The following SPPL3 variants were observed in gnomAD, a reference collection of about 807,000 sequenced individuals.
SPPL3 encodes signal peptide peptidase-like 3.
In SPPL3, 5 loss-of-function variants were observed where a neutral mutation model predicts 42.4. The ratio of observed to expected loss-of-function variants is 0.12; its 90% CI spans 0.06 to 0.25. The LOEUF (loss-of-function observed/expected upper bound fraction) is 0.25, where lower values mean the gene tolerates loss of function less well. SPPL3 is among the 10% of genes least tolerant of loss of function. The pLI is 1.00. For synonymous variants in SPPL3, 195 were observed against 181.8 expected (o/e 1.07, Z -0.58); for missense variants, 235 against 489.0 (o/e 0.48, Z 4.90).
At chr12:120,797,329 C>T (rs1870135063) in intron 2 of SPPL3, among the ~76,000 whole-genome samples, 1 of 152,004 alleles carries the variant, frequency 6.6e-6, no homozygotes, top group Non-Finnish European at 1.5e-5. Flanking sequence ...TCAGTTCCAT[C>T]TCTTCAACTT....
At chr12:120,766,100 G>GCA (rs111837123) in intron 10 of SPPL3, among the ~76,000 whole-genome samples, 163 bp downstream of exon 10, 1,860 of 84,044 alleles carry the variant, frequency 0.022, 20 homozygotes, top group Middle Eastern at 0.047. Context: ...GCGCGCGCGC[G>GCA]CACACACACA....
chr12:120,771,907 C>G (rs895103720), intron 6 of SPPL3, among the ~76,000 whole-genome samples: 2 of 152,362 alleles, frequency 1.3e-5, no homozygotes, highest in African/African-American at 4.8e-5. Context: ...TCACGCTCTA[C>G]CCAGAAGGTC....
chr12:120,768,226 G>A (rs1274985190), intron 8 of SPPL3, 99 bp downstream of exon 8: 7 of 1,416,872 alleles, frequency 4.9e-6, no homozygotes, highest in Non-Finnish European at 6.6e-6. Flanking sequence ...AATGGCCCCA[G>A]GTTGGGATCA....
At chr12:120,883,517 C>A (rs539692249) in intron 1 of SPPL3, among the ~76,000 whole-genome samples, 20 of 152,144 alleles carry the variant, frequency 1.3e-4, no homozygotes, top group African/African-American at 4.8e-4. Flanking sequence ...GGTATATAAA[C>A]CCTAAGAAAA....
At chr12:120,902,081 C>T (rs181307199) in intron 1 of SPPL3, 1 of 208,028 alleles carries the variant, frequency 4.8e-6, no homozygotes, top group Non-Finnish European at 8.4e-6. Context: ...TCATTTCTTA[C>T]TCTGTCCAGA....
At chr12:120,877,203 T>A (rs1316763873) in intron 1 of SPPL3, among the ~76,000 whole-genome samples, 1 of 152,074 alleles carries the variant, frequency 6.6e-6, no homozygotes, top group Admixed American at 6.6e-5. Context: ...CAGGCCAATA[T>A]CTGGTAACAA....
At chr12:120,873,658 A>AG (rs1566066453) in intron 1 of SPPL3, among the ~76,000 whole-genome samples, 1 of 152,098 alleles carries the variant, frequency 6.6e-6, no homozygotes. Flanking sequence ...GTGGATCATG[A>AG]GGTCAGGAGT....
rs527339173 is a variant in SPPL3 at position 120,781,555 on chromosome 12, G to GTTTTTTTT, written c.502+1092_502+1099dup. 9.5e-5 allele frequency among the ~76,000 whole-genome samples: 6 copies of GTTTTTTTT among 62,994 alleles called. 2 individuals carry two copies. Among genetic ancestry groups the GTTTTTTTT allele is most frequent in the African/African-American group, 4.1e-4 (6 of 14,614 alleles). The allele number at this position is 62,994 out of a possible 152,430, so 41.3% of individuals were successfully genotyped here. A position where few individuals can be genotyped will look rare whatever the true frequency, so the allele number is the denominator to read the frequency against. On this transcript the variant is annotated intron_variant, in intron 6 of 10. Coordinates refer to ENST00000353487, the MANE Select transcript of SPPL3 (RefSeq NM_139015.5). ...TCTAATCCCATCTCCTTATTGTTACGTTTTTTTTTTTTTTTTTTTTTTTTT... is the reference window on the plus strand; with the variant it reads ...TCTAATCCCATCTCCTTATTGTTACGTTTTTTTTTTTTTTTTTTTTTTTTTTTTTTTTT...
rs944580057 is a variant in SPPL3 at position 120,813,970 on chromosome 12, G to A, written c.24-3084C>T. Among the ~76,000 whole-genome samples, 13 of 152,012 alleles carry A rather than the reference G, an allele frequency of 8.6e-5. 1 individual carries two copies. The highest frequency in any genetic ancestry group is 6.6e-4 in the Admixed American group (10 of 15,266). ...TGATCTGGTGCTGCCTGATTCATGA[G>A]ACACTGCTCAAAAAAACTCTCCAAA... On this transcript the variant is annotated intron_variant, in intron 1 of 10. Transcript: ENST00000353487.
chr12:120,883,364 T>C (rs188357938), intron 1 of SPPL3, among the ~76,000 whole-genome samples: 2 of 152,286 alleles, frequency 1.3e-5, no homozygotes, highest in South Asian at 2.1e-4. Context: ...AAAACTTCTA[T>C]GTGAAAGGCA....
intron 2 of SPPL3, among the ~76,000 whole-genome samples, chr12:120,807,502 C>G (rs1335900074): frequency 6.6e-6 from 1 of 151,786 alleles, no homozygotes; most frequent in Non-Finnish European, 1.5e-5. Context: ...GCAGAAACAC[C>G]ATCTCTACTA....
chr12:120,878,734 T>C (rs1004930119), intron 1 of SPPL3, among the ~76,000 whole-genome samples: 42 of 152,290 alleles, frequency 2.8e-4, no homozygotes, highest in African/African-American at 1.0e-3. Flanking sequence ...AAATTATCTA[T>C]GCCTTAAATC....
At position 120,764,849 on chromosome 12, in the gene SPPL3, C is replaced by A. The variant is rs536544348; in HGVS notation, c.*150G>T. 1 of 805,648 alleles carries A rather than the reference C, an allele frequency of 1.2e-6. No homozygotes were observed. The highest frequency in any genetic ancestry group is 1.9e-6 in the Non-Finnish European group (1 of 528,598). The allele number at this position is 805,648 out of a possible 1,614,324, so 49.9% of individuals were successfully genotyped here. A position where few individuals can be genotyped will look rare whatever the true frequency, so the allele number is the denominator to read the frequency against. On this transcript the variant is annotated 3_prime_UTR_variant, in exon 11 of 11. Coordinates refer to ENST00000353487, the MANE Select transcript of SPPL3 (RefSeq NM_139015.5). ...GGCTCCAGCACCTCTCTCCTGCAAA[C>A]GAGCTCCCTTTAAATGCCAAATCCA...
intron 1 of SPPL3, among the ~76,000 whole-genome samples, chr12:120,895,433 A>G (rs963234347): frequency 6.6e-6 from 1 of 152,060 alleles, no homozygotes; most frequent in African/African-American, 2.4e-5. Context: ...ATCTCAAAAA[A>G]AAAAAAAAGA....
intron 1 of SPPL3, among the ~76,000 whole-genome samples, chr12:120,846,957 A>G (rs1872060696): frequency 6.6e-6 from 1 of 152,152 alleles, no homozygotes; most frequent in Admixed American, 6.6e-5. Context: ...TCTGTGGTTA[A>G]GCTTGTGCAG....
chr12:120,846,884 T>G (rs1316493971), intron 1 of SPPL3, among the ~76,000 whole-genome samples: 1 of 152,178 alleles, frequency 6.6e-6, no homozygotes, highest in Non-Finnish European at 1.5e-5. Flanking sequence ...AGAGTTCATG[T>G]GGGTGGGAGT....
intron 1 of SPPL3, among the ~76,000 whole-genome samples, chr12:120,891,420 GA>G (rs1181814815): frequency 6.6e-6 from 1 of 151,854 alleles, no homozygotes; most frequent in Admixed American, 6.6e-5. Context: ...CAGGCCACGA[GA>G]TTTTTTTCAA....
intron 1 of SPPL3, among the ~76,000 whole-genome samples, chr12:120,850,793 C>G (rs1872197112): frequency 6.6e-6 from 1 of 152,172 alleles, no homozygotes; most frequent in Non-Finnish European, 1.5e-5. Context: ...TTGCCTTTTT[C>G]ATCTTCTAGA....
chr12:120,776,601 T>C (rs1480680718), intron 6 of SPPL3, among the ~76,000 whole-genome samples: 1 of 152,150 alleles, frequency 6.6e-6, no homozygotes, highest in Non-Finnish European at 1.5e-5. Flanking sequence ...TAACATACTA[T>C]TAGTAAACAG....
Sources: gnomAD v4.1 joint callset for allele counts (sites outside exome capture counted in the v4.1 genomes callset) on GRCh38, gnomAD v4.1.1 for gene constraint, MANE v1.5 for transcripts, NCBI Gene and HGNC (gene_info 2026-07-23, HGNC 2026-07-21) for gene names.